Variants in GMCL1 observed in about 807,000 individuals in gnomAD.
GMCL1 encodes germ cell-less 1, spermatogenesis associated.
Under a neutral mutation model 75.5 loss-of-function variants are expected in GMCL1, and 54 were observed. The ratio of observed to expected loss-of-function variants is 0.71; its 90% CI spans 0.57 to 0.90. The LOEUF (loss-of-function observed/expected upper bound fraction) is 0.90, where lower values mean the gene tolerates loss of function less well. Ranked by LOEUF, GMCL1 falls within the 40% of genes least tolerant of loss-of-function variation. The probability of loss-of-function intolerance (pLI) is 0.00; values close to 1 mark genes in which losing one functional copy is unlikely to be tolerated. For missense variants in GMCL1, 537 were observed against 622.7 expected (o/e 0.86, Z 1.47); for synonymous variants, 210 against 209.6 (o/e 1.00, Z -0.02).
chr2:69,837,552 A>C lies in GMCL1; in HGVS notation c.266A>C (p.Lys89Thr). Residue 89 changes from lysine to threonine, a missense_variant, in exon 2 of 14, where the codon AAA (lysine) becomes ACA (threonine). Around this residue, in one of 3 missense-constraint regions of GMCL1, gnomAD observed 144 missense variants for 127.2 expected, o/e 1.13. Coordinates refer to ENST00000282570, the MANE Select transcript of GMCL1 (RefSeq NM_178439.5). ...TTTTTCATTTCTTTTAACAGGAAAA[A>C]ATTAAAGAGTACATCTAAATATATT... is the stretch of plus-strand genomic sequence containing the variant. The part of the protein sequence containing the change: ...QRLLNTPRRK[K>T]LKSTSKYIYQ... 1 of 1,544,652 alleles carries C rather than the reference A, an allele frequency of 6.5e-7. No homozygotes were observed. The highest frequency in any genetic ancestry group is 1.2e-5 in the South Asian group (1 of 80,984).
intron 9 of GMCL1, among the ~76,000 whole-genome samples, chr2:69,856,409 T>C (rs1178363207): frequency 2.0e-5 from 3 of 152,176 alleles, no homozygotes; most frequent in African/African-American, 7.2e-5. Flanking sequence ...TGGGACTTTG[T>C]ATAGAAGCAC....
rs1277451522 is a variant in GMCL1, at chr2:69,830,134, T to A, written c.242T>A (p.Leu81His). 2 of 1,570,464 alleles carry A rather than the reference T, an allele frequency of 1.3e-6. No homozygotes were observed. Among genetic ancestry groups the A allele is most frequent in the Non-Finnish European group, 1.7e-6 (2 of 1,157,500 alleles). Residue 81 changes from leucine (L) to histidine (H), a missense_variant, in exon 1 of 14, where the codon CTC becomes CAC. Leu to His is a moderately conservative substitution (Grantham distance 99). Transcript: ENST00000282570. ...GAGGAGGGGGACGAGCAGCAGCGGC[T>A]CCTCAACACCCCTCGAAGGTACGTG... ...DEEEGDEQQRLLNTPRRKKLK... is the reference protein window; with the variant it reads ...DEEEGDEQQRHLNTPRRKKLK...
intron 12 of GMCL1, among the ~76,000 whole-genome samples, chr2:69,871,324 A>C (rs1377668223): frequency 2.6e-5 from 4 of 152,194 alleles, no homozygotes; most frequent in African/African-American, 4.8e-5. Flanking sequence ...AGACAAATTC[A>C]TAGGTACAGA....
At chr2:69,831,724 A>G (rs942055900) in intron 1 of GMCL1, among the ~76,000 whole-genome samples, 4 of 152,170 alleles carry the variant, frequency 2.6e-5, no homozygotes, top group African/African-American at 7.2e-5. Flanking sequence ...CTCCCACCTC[A>G]GCCTTCTGTG....
chr2:69,835,396 C>G (rs1291030277), intron 1 of GMCL1, among the ~76,000 whole-genome samples: 13 of 151,606 alleles, frequency 8.6e-5, no homozygotes, highest in Non-Finnish European at 1.9e-4. Flanking sequence ...TCTCTTTTCC[C>G]TGAATTATAT....
chr2:69,864,963 C>A lies in GMCL1; in HGVS notation c.1206C>A (p.Ala402=). The change falls in exon 11 of 14, where the codon GCC becomes GCA. Residue 402 remains alanine, a synonymous_variant. Coordinates refer to ENST00000282570, the MANE Select transcript of GMCL1 (RefSeq NM_178439.5). ...GCATGAGGTGTGGTAGAAAGCTTGCCAAAGATGGTGAAGTAAGTATGGGTT... is the reference window on the plus strand; with the variant it reads ...GCATGAGGTGTGGTAGAAAGCTTGCAAAAGATGGTGAAGTAAGTATGGGTT... ...GNSMRCGRKL[A]KDGEYCWRWT... 6.2e-7 allele frequency: 1 copy of A among 1,612,210 alleles called. No individual in the cohort carries two copies. The highest frequency in any genetic ancestry group is 1.1e-5 in the South Asian group (1 of 90,952).
At chr2:69,858,566 T>G (rs1675547579) in intron 9 of GMCL1, among the ~76,000 whole-genome samples, 1 of 152,206 alleles carries the variant, frequency 6.6e-6, no homozygotes, top group South Asian at 2.1e-4. Flanking sequence ...CTGCTTCACT[T>G]ATTTTCATCC....
chr2:69,857,695 C>T lies in GMCL1; in HGVS notation c.1072+2735C>T, dbSNP rs934013993. Among the ~76,000 whole-genome samples the T allele has an allele frequency of 2.0e-5, 3 of 152,246 alleles. No homozygotes were observed. In the East Asian group the frequency reaches 5.8e-4, roughly 29 times the overall value. Reference sequence around the variant, plus strand: ...ATACCTAGATACTCTATACAGAATACTCTTATTTGTCCATGTAGGAATTTT... The same window carrying T: ...ATACCTAGATACTCTATACAGAATATTCTTATTTGTCCATGTAGGAATTTT... On this transcript the variant is annotated intron_variant, in intron 9 of 13. Coordinates refer to ENST00000282570, the MANE Select transcript of GMCL1 (RefSeq NM_178439.5).
At chr2:69,855,900 T>C (rs1402679455) in intron 9 of GMCL1, among the ~76,000 whole-genome samples, 1 of 152,210 alleles carries the variant, frequency 6.6e-6, no homozygotes, top group Non-Finnish European at 1.5e-5. Flanking sequence ...CTTTTAAGGC[T>C]TTTTGCAAAT....
At chr2:69,864,457 T>A (rs996927643) in intron 10 of GMCL1, among the ~76,000 whole-genome samples, 4 of 152,052 alleles carry the variant, frequency 2.6e-5, no homozygotes, top group Non-Finnish European at 4.4e-5. Flanking sequence ...TAATATTGAT[T>A]TTGCATAGTT....
rs972566336 is a variant in GMCL1 at position 69,873,999 on chromosome 2, T to C, written c.1452+2167T>C. Among the ~76,000 whole-genome samples the C allele has an allele frequency of 5.3e-5, 8 of 151,710 alleles. No homozygotes were observed. In the East Asian group the frequency reaches 1.2e-3, roughly 22 times the overall value. On this transcript the variant is annotated intron_variant, in intron 13 of 13. Transcript: ENST00000282570. ...CATAGCTTTTTTTGGTCAATAAATA[T>C]ATATTCACAGCATCATTTTTATGAA...
At chr2:69,859,208 G>GT (rs1675567533) in intron 9 of GMCL1, among the ~76,000 whole-genome samples, 1 of 150,224 alleles carries the variant, frequency 6.7e-6, no homozygotes, top group Non-Finnish European at 1.5e-5. Context: ...GAATATTTAC[G>GT]TATGTCTGAC....
rs553270239 is a variant in GMCL1 at position 69,850,166 on chromosome 2, C to A, written c.934+424C>A. 2.9e-4 allele frequency among the ~76,000 whole-genome samples: 44 copies of A among 152,210 alleles called. No homozygotes were observed. In the South Asian group the frequency reaches 8.3e-3, roughly 29 times the overall value. The stretch of plus-strand genomic sequence containing the variant: ...TAGGCTTTCATGTGTCACTGACTCC[C>A]AAAAGTGGGTACAGAATTTGATATG... On this transcript the variant is annotated intron_variant, in intron 8 of 13. Transcript: ENST00000282570.
intron 13 of GMCL1, among the ~76,000 whole-genome samples, chr2:69,874,533 GCCA>G (rs1676068671): frequency 6.6e-6 from 1 of 151,926 alleles, no homozygotes; most frequent in Non-Finnish European, 1.5e-5. Context: ...ACAGGTGTGA[GCCA>G]CCGCGCCTGG....
chr2:69,871,059 T>A (rs1233961246), intron 12 of GMCL1, among the ~76,000 whole-genome samples: 2 of 152,218 alleles, frequency 1.3e-5, no homozygotes, highest in Non-Finnish European at 2.9e-5. Flanking sequence ...CTTAAACAGA[T>A]ATTTTTGTAT....
At chr2:69,839,769 C>T (rs1674929510) in intron 3 of GMCL1, among the ~76,000 whole-genome samples, 1 of 151,896 alleles carries the variant, frequency 6.6e-6, no homozygotes, top group Admixed American at 6.6e-5. Context: ...AGTTTGTTTA[C>T]TTATCTTTGT....
At position 69,836,304 on chromosome 2, in the gene GMCL1, C is replaced by G. The variant is rs538868346; in HGVS notation, c.261-1243C>G. On this transcript the variant is annotated intron_variant, in intron 1 of 13. Coordinates refer to ENST00000282570, the MANE Select transcript of GMCL1 (RefSeq NM_178439.5). Reference sequence around the variant, plus strand: ...CATCAAGTGATGAGCCTACCCTCACCTTTTCCTGGTGTGGACTTATTCCTT... The same window carrying G: ...CATCAAGTGATGAGCCTACCCTCACGTTTTCCTGGTGTGGACTTATTCCTT... Among the ~76,000 whole-genome samples the G allele has an allele frequency of 2.0e-5, 3 of 152,338 alleles. No homozygotes were observed. In the East Asian group the frequency reaches 5.8e-4, roughly 29 times the overall value.
Position 69,871,761 on chromosome 2 carries a change from T to C in GMCL1, c.1381T>C (p.Phe461Leu). The C allele has an allele frequency of 6.4e-7, 1 of 1,569,630 alleles. No individual in the cohort carries two copies. Among genetic ancestry groups the C allele is most frequent in the Non-Finnish European group, 8.7e-7 (1 of 1,152,552 alleles). ...TAATCCTAGATTACGTTTGGCTTCT[T>C]TTGATAGTAGTGGAAAACTAATATG... ...SIAFRLRLAS[F>L]DSSGKLICSR... The change falls in exon 13 of 14, where the codon TTT becomes CTT. Residue 461 changes from phenylalanine to leucine, a missense_variant. Physicochemically the swap from Phe to Leu is conservative, Grantham distance 22. This residue lies in a region of GMCL1 where 345 missense variants were observed against 410.5 expected (regional missense o/e 0.84). Transcript: ENST00000282570.
At chr2:69,854,145 TATTATC>T (rs1024773849) in intron 8 of GMCL1, among the ~76,000 whole-genome samples, 3 of 147,700 alleles carry the variant, frequency 2.0e-5, no homozygotes, top group Admixed American at 6.8e-5. Context: ...TTATTATTAT[TATTATC>T]ATTATTACTT....
Sources: gnomAD v4.1 joint callset for allele counts (sites outside exome capture counted in the v4.1 genomes callset) on GRCh38, gnomAD v4.1.1 for gene constraint, gnomAD v4.1.1 regional missense constraint, MANE v1.5 for transcripts, NCBI Gene and HGNC (gene_info 2026-07-23, HGNC 2026-07-21) for gene names.